Variants in BTNL8 observed in about 807,000 individuals in gnomAD.
BTNL8 encodes the protein butyrophilin-like protein 8.
A neutral mutation model predicts 36.1 loss-of-function variants in BTNL8; 22 were observed. The observed-to-expected ratio is 0.61, with a 90% confidence interval of 0.44 to 0.87. BTNL8 has a LOEUF of 0.87. Among genes scored for constraint, BTNL8 ranks in the 40% least tolerant of loss-of-function variants. The pLI is 0.00. For missense variants in BTNL8, 526 were observed against 616.9 expected (o/e 0.85, Z 1.56); for synonymous variants, 203 against 235.6 (o/e 0.86, Z 1.27).
intron 3 of BTNL8, among the ~76,000 whole-genome samples, chr5:180,931,383 C>G (rs1021540215): frequency 4.6e-5 from 7 of 152,122 alleles, no homozygotes; most frequent in African/African-American, 1.7e-4. Flanking sequence ...GAATAACATT[C>G]AGGATATAGG....
intron 3 of BTNL8, among the ~76,000 whole-genome samples, chr5:180,929,572 C>T (rs940023106): frequency 2.0e-5 from 3 of 151,698 alleles, no homozygotes; most frequent in South Asian, 2.1e-4. Context: ...GTTAGTGAGA[C>T]TAATAAAGAA....
intron 3 of BTNL8, among the ~76,000 whole-genome samples, chr5:180,947,085 T>C (rs1203346825): frequency 2.0e-5 from 3 of 152,302 alleles, no homozygotes; most frequent in African/African-American, 7.2e-5. Flanking sequence ...AAGGCACAAC[T>C]GAATAAGAAG....
intron 3 of BTNL8, among the ~76,000 whole-genome samples, chr5:180,915,172 G>A (rs1368005511): frequency 6.6e-6 from 1 of 152,114 alleles, no homozygotes; most frequent in Non-Finnish European, 1.5e-5. Flanking sequence ...CTCTACTAGA[G>A]GCCCACCTCA....
intron 3 of BTNL8, among the ~76,000 whole-genome samples, chr5:180,927,946 A>G (rs1240526776): frequency 6.6e-6 from 1 of 152,184 alleles, no homozygotes; most frequent in Non-Finnish European, 1.5e-5. Context: ...CCAACCTAGT[A>G]AGACAGGCCA....
intron 1 of BTNL8, among the ~76,000 whole-genome samples, chr5:180,908,220 G>A (rs1029346436): frequency 4.6e-5 from 7 of 152,268 alleles, no homozygotes; most frequent in South Asian, 2.1e-4. Context: ...GTGGTGCGCC[G>A]TTTCTTAAGC....
At chr5:180,947,304 T>C (rs1759306723) in intron 3 of BTNL8, among the ~76,000 whole-genome samples, 1 of 152,240 alleles carries the variant, frequency 6.6e-6, no homozygotes, top group Non-Finnish European at 1.5e-5. Context: ...TCAATAAATG[T>C]TGGCACAGTC....
At position 180,930,711 on chromosome 5, in the gene BTNL8, T is replaced by C. The variant is rs1036102264; in HGVS notation, c.674-16801T>C. ...ATCATGAATGGACTCCCATTCACAA[T>C]TGCTACAAAGAGAATAAAATACCTA... On this transcript the variant is annotated intron_variant, in intron 3 of 7. Coordinates refer to ENST00000340184, the MANE Select transcript of BTNL8 (RefSeq NM_001040462.3). 1.1e-4 allele frequency among the ~76,000 whole-genome samples: 17 copies of C among 152,100 alleles called. 1 individual carries two copies. The highest frequency in any genetic ancestry group is 3.6e-4 in the African/African-American group (15 of 41,396).
At chr5:180,908,143 C>T (rs1386240717) in intron 1 of BTNL8, among the ~76,000 whole-genome samples, 1 of 152,216 alleles carries the variant, frequency 6.6e-6, no homozygotes, top group Non-Finnish European at 1.5e-5. Flanking sequence ...TCTCAGACTG[C>T]TGTGCTAGCA....
At chr5:180,912,490 T>C (rs1757445076) in intron 3 of BTNL8, among the ~76,000 whole-genome samples, 1 of 152,128 alleles carries the variant, frequency 6.6e-6, no homozygotes, top group Admixed American at 6.5e-5. Flanking sequence ...TGGAGAACTC[T>C]CACTAATACA....
At chr5:180,948,867 G>A in intron 5 of BTNL8, 53 bp from the exon 6 acceptor site, 1 of 595,800 alleles carries the variant, frequency 1.7e-6, no homozygotes, top group Non-Finnish European at 2.8e-6. Context: ...CTGGGCCCCC[G>A]CTCTGTGACG....
rs1758672477 is a variant in BTNL8 at position 180,936,859 on chromosome 5, C to G, written c.674-10653C>G. 4.6e-5 allele frequency among the ~76,000 whole-genome samples: 7 copies of G among 152,204 alleles called. No individual in the cohort carries two copies. The South Asian group carries it at 1.4e-3, about 32-fold the overall frequency. On this transcript the variant is annotated intron_variant, in intron 3 of 7. Transcript: ENST00000340184. The stretch of plus-strand genomic sequence containing the variant: ...ACCACCAGTGAGCCGAAACTTTCAA[C>G]TGTCAGAGGTGCTGTACACCACACA...
At chr5:180,908,384 G>T (rs111999152) in intron 1 of BTNL8, among the ~76,000 whole-genome samples, 2 of 150,296 alleles carry the variant, frequency 1.3e-5, no homozygotes, top group African/African-American at 4.9e-5. Context: ...CACGGTGCGC[G>T]CACCCACTGA....
intron 2 of BTNL8, 96 bp from the exon 3 acceptor site, chr5:180,911,243 G>C (rs896894523): frequency 6.5e-7 from 1 of 1,531,318 alleles, no homozygotes; most frequent in Admixed American, 1.8e-5. Flanking sequence ...GTAAGAGAGA[G>C]AATGGGTGGG....
chr5:180,915,620 A>G (rs190348), intron 3 of BTNL8, among the ~76,000 whole-genome samples: 90,026 of 152,128 alleles, frequency 0.59, 27,885 homozygotes, highest in African/African-American at 0.79. Context: ...AGTACAGACT[A>G]GAGGAGGAGG....
intron 3 of BTNL8, among the ~76,000 whole-genome samples, chr5:180,942,485 A>G (rs549648589): frequency 6.6e-6 from 1 of 152,198 alleles, no homozygotes; most frequent in Non-Finnish European, 1.5e-5. Flanking sequence ...AACAGCCAAA[A>G]CATTACTGAA....
intron 1 of BTNL8, among the ~76,000 whole-genome samples, chr5:180,903,225 G>A (rs1756908658): frequency 8.3e-6 from 1 of 120,638 alleles, no homozygotes; most frequent in East Asian, 2.3e-4. Context: ...TCTAACTGGT[G>A]TGAGATGGTA....
At chr5:180,921,882 T>C (rs1757881555) in intron 3 of BTNL8, among the ~76,000 whole-genome samples, 1 of 152,092 alleles carries the variant, frequency 6.6e-6, no homozygotes, top group African/African-American at 2.4e-5. Flanking sequence ...CCTATCATAC[T>C]TGATAAATGG....
At position 180,950,116 on chromosome 5, in the gene BTNL8, C is replaced by T. The variant is rs770261754; in HGVS notation, c.1075C>T (p.Arg359Trp). ...TAAAAGGTGGCGCGTGGGAGTGTGC[C>T]GGGATGATGTGGACAGGAGGAAGGA... ...HNKRWRVGVC[R>W]DDVDRRKEYV... Residue 359 changes from arginine to tryptophan, a missense_variant, in exon 8 of 8, where the codon CGG becomes TGG. Arg to Trp is a moderately radical substitution (Grantham distance 101). Coordinates refer to ENST00000340184, the MANE Select transcript of BTNL8 (RefSeq NM_001040462.3). The T allele has an allele frequency of 1.5e-5, 22 of 1,462,406 alleles. 5 individuals carry two copies. Among genetic ancestry groups the T allele is most frequent in the African/African-American group, 6.9e-5 (5 of 72,232 alleles). 90.6% of individuals were successfully genotyped at this position (1,462,406 alleles called of 1,614,324 possible).
chr5:180,926,293 C>A (rs1758094464), intron 3 of BTNL8, among the ~76,000 whole-genome samples: 1 of 152,156 alleles, frequency 6.6e-6, no homozygotes, highest in Admixed American at 6.5e-5. Context: ...GCACTACAAC[C>A]CAGATATTAT....
Sources: gnomAD v4.1 joint callset for allele counts (sites outside exome capture counted in the v4.1 genomes callset) on GRCh38, gnomAD v4.1.1 for gene constraint, MANE v1.5 for transcripts, NCBI Gene and HGNC (gene_info 2026-07-23, HGNC 2026-07-21) for gene names.